GABRB1: variants seen among roughly 807,000 people sequenced by gnomAD.
The protein encoded by GABRB1 is gamma-aminobutyric acid type A receptor subunit beta1, also known as gamma-aminobutyric acid receptor subunit beta-1.
A neutral mutation model predicts 51.6 loss-of-function variants in GABRB1; 17 were observed. The ratio of observed to expected loss-of-function variants is 0.33; its 90% confidence interval spans 0.23 to 0.49. GABRB1 has a LOEUF of 0.49. Ranked by LOEUF, GABRB1 falls within the 20% of genes least tolerant of loss-of-function variation. GABRB1 has a pLI of 0.99. For missense variants in GABRB1, 410 were observed against 600.6 expected (o/e 0.68, Z 3.32); for synonymous variants, 247 against 218.9 (o/e 1.13, Z -1.14).
chr4:47,049,078 A>C (rs1726230298), intron 3 of GABRB1, among the ~76,000 whole-genome samples: 1 of 151,660 alleles, frequency 6.6e-6, no homozygotes, highest in Admixed American at 6.6e-5. Flanking sequence ...AAAAAAAAAA[A>C]ACTGTTGCCA....
chr4:47,076,388 T>C (rs927970754), intron 3 of GABRB1, among the ~76,000 whole-genome samples: 1 of 152,218 alleles, frequency 6.6e-6, no homozygotes, highest in Non-Finnish European at 1.5e-5. Context: ...GAATTCTCTA[T>C]GTTCTTTCAA....
At chr4:47,106,447 TAA>T (rs1714975846) in intron 3 of GABRB1, among the ~76,000 whole-genome samples, 1 of 152,096 alleles carries the variant, frequency 6.6e-6, no homozygotes, top group Non-Finnish European at 1.5e-5. Flanking sequence ...AAATCTATAT[TAA>T]GTTTACTATA....
intron 4 of GABRB1, among the ~76,000 whole-genome samples, chr4:47,288,644 T>A (rs1219012220): frequency 1.3e-5 from 2 of 152,218 alleles, no homozygotes; most frequent in South Asian, 4.1e-4. Context: ...GTTTAGTGAT[T>A]TGGAGGCACC....
Position 47,291,111 on chromosome 4 carries a change from C to T in GABRB1, c.462-29016C>T, listed in dbSNP as rs73133933. On this transcript the variant is annotated intron_variant, in intron 4 of 8. Coordinates refer to ENST00000295454, the MANE Select transcript of GABRB1 (RefSeq NM_000812.4). Reference sequence around the variant, plus strand: ...CCTAGGAGAAAATGGTTTCCTGGGACGGGCCCAGGGTCCCCCACTGTGTGT... The same window carrying T: ...CCTAGGAGAAAATGGTTTCCTGGGATGGGCCCAGGGTCCCCCACTGTGTGT... Among the ~76,000 whole-genome samples the T allele has an allele frequency of 8.3e-3, 1,264 of 152,220 alleles. 20 individuals carry two copies. The highest frequency in any genetic ancestry group is 0.029 in the African/African-American group (1,187 of 41,522).
At chr4:46,997,288 A>C (rs539729395) in intron 1 of GABRB1, among the ~76,000 whole-genome samples, 1 of 152,034 alleles carries the variant, frequency 6.6e-6, no homozygotes, top group Non-Finnish European at 1.5e-5. Context: ...ACCACCTTAC[A>C]TAGTTACCTT....
At chr4:47,027,155 A>G (rs1725126002), upstream of GABRB1, among the ~76,000 whole-genome samples, 1 of 151,600 alleles carries the variant, frequency 6.6e-6, no homozygotes, top group Admixed American at 6.6e-5. Flanking sequence ...TTTATTAGTA[A>G]GATAGAGCGT....
At chr4:47,279,108 ATG>A (rs1723186738) in intron 4 of GABRB1, among the ~76,000 whole-genome samples, 2 of 151,822 alleles carry the variant, frequency 1.3e-5, no homozygotes, top group Non-Finnish European at 2.9e-5. Context: ...GGATGGATGG[ATG>A]GATGGATGGA....
At chr4:47,319,876 T>C (rs745430430) in intron 4 of GABRB1, among the ~76,000 whole-genome samples, 3 of 152,238 alleles carry the variant, frequency 2.0e-5, no homozygotes, top group Non-Finnish European at 4.4e-5. Flanking sequence ...TATTGGTTTG[T>C]TCAGATTTCT....
rs145563545 is a variant in GABRB1, at chr4:47,292,573, A to C, written c.462-27554A>C. ...ACATCCCCTGAGCTTAAAACAATTT[A>C]TGGAAAGCAAAGGCATTGAGAAATT... On this transcript the variant is annotated intron_variant, in intron 4 of 8. Transcript: ENST00000295454. Among the ~76,000 whole-genome samples the C allele has an allele frequency of 3.2e-3, 486 of 152,380 alleles. 3 individuals are homozygous for C. The highest frequency in any genetic ancestry group is 0.011 in the African/African-American group (473 of 41,602).
chr4:47,194,617 G>A (rs1719573033), intron 4 of GABRB1, among the ~76,000 whole-genome samples: 1 of 152,122 alleles, frequency 6.6e-6, no homozygotes. Context: ...ATTCAAACTA[G>A]CACATCAGTG....
At chr4:47,337,808 T>TAAAA (rs1170540924) in intron 5 of GABRB1, among the ~76,000 whole-genome samples, 9 of 84,446 alleles carry the variant, frequency 1.1e-4, no homozygotes, top group Non-Finnish European at 1.3e-4. Flanking sequence ...AGACTCTGTC[T>TAAAA]AAAAAAAAAA....
At chr4:47,245,718 A>G (rs774098332) in intron 4 of GABRB1, among the ~76,000 whole-genome samples, 1 of 151,980 alleles carries the variant, frequency 6.6e-6, no homozygotes, top group Admixed American at 6.6e-5. Context: ...AAAGAGTTAG[A>G]CCATCTTACC....
At chr4:47,361,886 G>A (rs1278926846) in intron 5 of GABRB1, among the ~76,000 whole-genome samples, 1 of 152,112 alleles carries the variant, frequency 6.6e-6, no homozygotes, top group East Asian at 1.9e-4. Flanking sequence ...TGGGCAGTGA[G>A]GCTATGGACC....
intron 3 of GABRB1, among the ~76,000 whole-genome samples, chr4:47,156,760 A>G (rs1469813609): frequency 6.6e-6 from 1 of 152,004 alleles, no homozygotes; most frequent in Non-Finnish European, 1.5e-5. Context: ...ACCTGAGGTC[A>G]GGAGTTCTAA....
At chr4:47,273,518 G>A (rs995176919) in intron 4 of GABRB1, among the ~76,000 whole-genome samples, 2 of 152,078 alleles carry the variant, frequency 1.3e-5, no homozygotes, top group African/African-American at 4.8e-5. Flanking sequence ...GATTGTTCTG[G>A]GCACAGTAGG....
chr4:47,184,267 T>A (rs139199138), intron 4 of GABRB1, among the ~76,000 whole-genome samples: 1 of 152,056 alleles, frequency 6.6e-6, no homozygotes, highest in East Asian at 1.9e-4. Context: ...TAACACCCAA[T>A]GACCTTTGAA....
At chr4:47,365,212 G>T (rs909958163) in intron 5 of GABRB1, among the ~76,000 whole-genome samples, 1 of 152,154 alleles carries the variant, frequency 6.6e-6, no homozygotes, top group African/African-American at 2.4e-5. Flanking sequence ...CCTCAGCTCA[G>T]CTTGCATGAC....
chr4:47,110,344 T>C (rs1715163708), intron 3 of GABRB1, among the ~76,000 whole-genome samples: 1 of 152,200 alleles, frequency 6.6e-6, no homozygotes, highest in Non-Finnish European at 1.5e-5. Flanking sequence ...TGAAGCTTTC[T>C]TCCATAAGTG....
At chr4:47,171,192 A>G (rs983425484) in intron 4 of GABRB1, among the ~76,000 whole-genome samples, 1 of 151,872 alleles carries the variant, frequency 6.6e-6, no homozygotes, top group African/African-American at 2.4e-5. Flanking sequence ...AACAGTAACC[A>G]AAAAAATAAG....
Sources: allele counts gnomAD v4.1 joint callset (sites outside exome capture counted in the v4.1 genomes callset), GRCh38; gene constraint gnomAD v4.1.1; transcripts MANE v1.5; gene names NCBI Gene and HGNC (gene_info 2026-07-23, HGNC 2026-07-21).